The following RDH10 variants were observed in gnomAD, a reference collection of about 807,000 sequenced individuals.
RDH10 encodes retinol dehydrogenase 10.
In RDH10, 12 loss-of-function variants were observed where a neutral mutation model predicts 30.2. The observed-to-expected ratio is 0.40, with a 90% CI of 0.25 to 0.64. RDH10 has a LOEUF of 0.64. RDH10 is among the 30% of genes least tolerant of loss of function. The probability of loss-of-function intolerance (pLI) is 0.43; values close to 1 mark genes in which losing one functional copy is unlikely to be tolerated. For missense variants in RDH10, 268 were observed against 445.2 expected (o/e 0.60, Z 3.58); for synonymous variants, 189 against 172.2 (o/e 1.10, Z -0.76).
In RDH10 at chr8:73,295,167, G is replaced by C; in HGVS notation, c.-123G>C. On this transcript the variant is annotated 5_prime_UTR_variant, in exon 1 of 6. Coordinates refer to ENST00000240285, the MANE Select transcript of RDH10 (RefSeq NM_172037.5). ...CCCGGCGGGCACCTCGGGGGCGGGC[G>C]CGGGGCGCAGCCTTCTCGTCCCGGC... The C allele has an allele frequency of 1.0e-6, 1 of 954,990 alleles. No homozygotes were observed. The highest frequency in any genetic ancestry group is 1.4e-6 in the Non-Finnish European group (1 of 696,466). The allele number at this position is 954,990 out of a possible 1,614,324, so 59.2% of individuals were successfully genotyped here.
At chr8:73,303,293 T>G (rs1484035598) in intron 2 of RDH10, among the ~76,000 whole-genome samples, 2 of 152,206 alleles carry the variant, frequency 1.3e-5, no homozygotes, top group African/African-American at 4.8e-5. Context: ...GGTTCTTATG[T>G]GATTTACTGG....
chr8:73,298,107 T>G (rs1586186311), intron 2 of RDH10: 2 of 153,346 alleles, frequency 1.3e-5, no homozygotes, highest in Non-Finnish European at 2.9e-5. Context: ...GAGCAGGGCC[T>G]TCTGCTGCTC....
chr8:73,315,256 G>A (rs959207990), intron 2 of RDH10, among the ~76,000 whole-genome samples: 4 of 125,472 alleles, frequency 3.2e-5, no homozygotes, highest in Admixed American at 8.7e-5. Flanking sequence ...TCCCCCCACC[G>A]GCCTCCTCTC....
intron 2 of RDH10, chr8:73,315,411 C>T (rs912845570): frequency 2.1e-5 from 6 of 286,324 alleles, no homozygotes; most frequent in Non-Finnish European, 4.4e-5. Flanking sequence ...GCCATACTAC[C>T]CTCCTTATGG....
chr8:73,294,940 G>A lies in RDH10; in HGVS notation c.-350G>A, dbSNP rs1391759109. 6 of 393,948 alleles carry A rather than the reference G, an allele frequency of 1.5e-5. No individual in the cohort carries two copies. Among genetic ancestry groups the A allele is most frequent in the Non-Finnish European group, 2.2e-5 (5 of 223,038 alleles). 24.4% of individuals were successfully genotyped at this position (393,948 alleles called of 1,614,324 possible). On this transcript the variant is annotated 5_prime_UTR_variant, in exon 1 of 6. Coordinates refer to ENST00000240285, the MANE Select transcript of RDH10 (RefSeq NM_172037.5). ...TCGGGCGGCAGCAGCTTGGCCATGA[G>A]GGCAGTTCGAGTAGTCTAACTCGCG... is the stretch of plus-strand genomic sequence containing the variant.
At chr8:73,314,144 G>A (rs1170444125) in intron 2 of RDH10, among the ~76,000 whole-genome samples, 1 of 152,082 alleles carries the variant, frequency 6.6e-6, no homozygotes, top group South Asian at 2.1e-4. Context: ...ACCTTTTGCT[G>A]GTCTCTATCT....
rs1443162226 is a variant in RDH10, at chr8:73,323,631, C to T, written c.*595C>T. On this transcript the variant is annotated 3_prime_UTR_variant, in exon 6 of 6. Transcript: ENST00000240285. ...TGACCAAGTCTCTTTCTTAAAGTCA[C>T]AATGACTAAAGTATTAGTTGAATTT... The T allele has an allele frequency of 6.7e-6, 1 of 150,008 alleles. No homozygotes were observed. Among genetic ancestry groups the T allele is most frequent in the Non-Finnish European group, 1.5e-5 (1 of 67,742 alleles). The allele number at this position is 150,008 out of a possible 1,614,324, so 9.3% of individuals were successfully genotyped here. A position where few individuals can be genotyped will look rare whatever the true frequency, so the allele number is the denominator to read the frequency against.
chr8:73,310,507 G>A (rs1358596582), intron 2 of RDH10, among the ~76,000 whole-genome samples: 1 of 152,218 alleles, frequency 6.6e-6, no homozygotes, highest in African/African-American at 2.4e-5. Context: ...CGGAGCAGTG[G>A]CTAAGCTCGC....
intron 1 of RDH10, 21 bp from the exon 2 acceptor site, chr8:73,297,173 C>T (rs1256844640): frequency 2.8e-6 from 4 of 1,418,862 alleles, no homozygotes; most frequent in Non-Finnish European, 4.0e-6. Context: ...GTTTTCTCCT[C>T]ATCTGGACTT....
intron 2 of RDH10, among the ~76,000 whole-genome samples, chr8:73,317,947 C>G (rs1368843323): frequency 8.4e-6 from 1 of 118,414 alleles, no homozygotes; most frequent in African/African-American, 3.2e-5. Flanking sequence ...AAAAAAACCA[C>G]AAACCCATAT....
At chr8:73,300,157 T>G (rs1362293369) in intron 2 of RDH10, among the ~76,000 whole-genome samples, 1 of 152,220 alleles carries the variant, frequency 6.6e-6, no homozygotes, top group African/African-American at 2.4e-5. Flanking sequence ...CATCTAAACT[T>G]AAGAATTTAT....
At chr8:73,319,004 A>T in intron 2 of RDH10, 92 bp from the exon 3 acceptor site, 2 of 740,014 alleles carry the variant, frequency 2.7e-6, no homozygotes, top group East Asian at 2.5e-5. Flanking sequence ...ACAAAACATC[A>T]TGTGAATAAA....
At position 73,321,027 on chromosome 8, in the gene RDH10, G is replaced by C; in HGVS notation, c.720G>C (p.Leu240Phe). The change falls in exon 4 of 6, where the codon TTG becomes TTC. Residue 240 changes from leucine (L) to phenylalanine (F), a missense_variant. Around this residue, in one of 4 missense-constraint regions of RDH10, gnomAD observed 136 missense variants for 288.8 expected, o/e 0.47. Coordinates refer to ENST00000240285, the MANE Select transcript of RDH10 (RefSeq NM_172037.5). ...AAAAGGATGGAATTAAAACAACCTTGGTTTGCCCTTATCTTGTAGACACTG... is the reference window on the plus strand; with the variant it reads ...AAAAGGATGGAATTAAAACAACCTTCGTTTGCCCTTATCTTGTAGACACTG... ...AAEKDGIKTT[L>F]VCPYLVDTGM... is the part of the protein sequence containing the mutation. 6.2e-7 allele frequency: 1 copy of C among 1,614,076 alleles called. No homozygotes were observed. Among genetic ancestry groups the C allele is most frequent in the Non-Finnish European group, 8.5e-7 (1 of 1,179,966 alleles).
At chr8:73,300,804 C>T (rs1213086601) in intron 2 of RDH10, among the ~76,000 whole-genome samples, 2 of 152,194 alleles carry the variant, frequency 1.3e-5, no homozygotes, top group Non-Finnish European at 2.9e-5. Context: ...CTTTCCTTCC[C>T]ACTGCAGCAC....
At chr8:73,307,795 G>T (rs553762512) in intron 2 of RDH10, among the ~76,000 whole-genome samples, 1 of 152,338 alleles carries the variant, frequency 6.6e-6, no homozygotes, top group East Asian at 1.9e-4. Flanking sequence ...GTGGTGTAGT[G>T]TAAGAATTAA....
intron 4 of RDH10, chr8:73,321,978 G>C: frequency 4.4e-6 from 2 of 456,194 alleles, no homozygotes; most frequent in African/African-American, 2.0e-5. Context: ...GTGTGTTGGT[G>C]GTTTGTTTTG....
chr8:73,295,125 G>A lies in RDH10; in HGVS notation c.-165G>A. 1 of 513,810 alleles carries A rather than the reference G, an allele frequency of 1.9e-6. No individual in the cohort carries two copies. Among genetic ancestry groups the A allele is most frequent in the South Asian group, 4.7e-5 (1 of 21,248 alleles). The allele number at this position is 513,810 out of a possible 1,614,324, so 31.8% of individuals were successfully genotyped here. ...GAGTGGCCCCGCGCAGGCAGGGAGCGGCGCCGCGCACTCCAACCCGGCGGG... is the reference window on the plus strand; with the variant it reads ...GAGTGGCCCCGCGCAGGCAGGGAGCAGCGCCGCGCACTCCAACCCGGCGGG... On this transcript the variant is annotated 5_prime_UTR_variant, in exon 1 of 6. Transcript: ENST00000240285.
At chr8:73,295,777 G>T (rs560799749) in intron 1 of RDH10, 199 bp downstream of exon 1, 31 of 959,762 alleles carry the variant, frequency 3.2e-5, no homozygotes, top group Non-Finnish European at 3.8e-5. Flanking sequence ...GGGAGAAGGT[G>T]CCCTGTCCTC....
chr8:73,303,687 A>G (rs1814419735), intron 2 of RDH10, among the ~76,000 whole-genome samples: 1 of 152,208 alleles, frequency 6.6e-6, no homozygotes, highest in Admixed American at 6.5e-5. Context: ...AAAACTGAGT[A>G]AAACATCTCT....
Sources: allele counts gnomAD v4.1 joint callset (sites outside exome capture counted in the v4.1 genomes callset), GRCh38; gene constraint gnomAD v4.1.1; regional missense constraint gnomAD v4.1.1; transcripts MANE v1.5; gene names NCBI Gene and HGNC (gene_info 2026-07-23, HGNC 2026-07-21).